AKIRIN2: variants seen among roughly 807,000 people sequenced by gnomAD.
AKIRIN2 encodes akirin-2.
A neutral mutation model predicts 29.3 loss-of-function variants in AKIRIN2; 6 were observed. The ratio of observed to expected loss-of-function variants is 0.20; its 90% confidence interval spans 0.11 to 0.40. The LOEUF (loss-of-function observed/expected upper bound fraction) is 0.40, where lower values mean the gene tolerates loss of function less well. Ranked by LOEUF, AKIRIN2 falls within the 10% of genes least tolerant of loss-of-function variation. The pLI is 1.00. For synonymous variants in AKIRIN2, 128 were observed against 117.5 expected (o/e 1.09, Z -0.58); for missense variants, 210 against 276.1 (o/e 0.76, Z 1.70).
chr6:87,701,481 G>C lies in AKIRIN2; in HGVS notation c.204C>G (p.Pro68=), dbSNP rs762203984. The change falls in exon 1 of 5, where the codon CCC becomes CCG. Residue 68 remains proline, a synonymous_variant. Transcript: ENST00000257787. ...TGAGGCGGGAGGAGACGTCGCCGAA[G>C]GGGGATGGCTCCATTCGGAGATACT... ...PQKYLRMEPS[P]FGDVSSRLTT... is the part of the protein sequence containing the mutation. 2.2e-5 allele frequency: 34 copies of C among 1,514,702 alleles called. No individual in the cohort carries two copies. The African/African-American group carries it at 4.5e-4, about 20-fold the overall frequency. 93.8% of individuals were successfully genotyped at this position (1,514,702 alleles called of 1,614,324 possible).
At chr6:87,696,967 C>G (rs1194856521) in intron 1 of AKIRIN2, among the ~76,000 whole-genome samples, 1 of 151,918 alleles carries the variant, frequency 6.6e-6, no homozygotes, top group Non-Finnish European at 1.5e-5. Context: ...GATTGCGCCA[C>G]TGCACTCTAG....
intron 1 of AKIRIN2, among the ~76,000 whole-genome samples, 188 bp downstream of exon 1, chr6:87,701,262 A>C (rs942566086): frequency 3.9e-5 from 6 of 151,910 alleles, no homozygotes; most frequent in Non-Finnish European, 8.8e-5. Context: ...ACATCAGCCC[A>C]TTTCTATTGT....
Position 87,681,687 on chromosome 6 carries a change from C to G in AKIRIN2, c.312G>C (p.Gln104His). 1 of 1,613,466 alleles carries G rather than the reference C, an allele frequency of 6.2e-7. No individual in the cohort carries two copies. Among genetic ancestry groups the G allele is most frequent in the Non-Finnish European group, 8.5e-7 (1 of 1,179,634 alleles). Residue 104 changes from glutamine to histidine, a missense_variant, in exon 2 of 5, where the codon CAG (glutamine) becomes CAC (histidine). Gln to His is a conservative substitution (Grantham distance 24, BLOSUM62 0). Around this residue, in one of 2 missense-constraint regions of AKIRIN2, gnomAD observed 199 missense variants for 236.5 expected, o/e 0.84. Transcript: ENST00000257787. ...CATCAGAAGTACAACACGGATCTGT[C>G]TGTTGGAAACTCGTTTCTAAATGTC... Reference protein sequence around the residue: ...KRRHLETSFQQTDPCCTSDAQ... With the variant: ...KRRHLETSFQHTDPCCTSDAQ...
At chr6:87,695,899 C>T (rs1319996656) in intron 1 of AKIRIN2, among the ~76,000 whole-genome samples, 3 of 152,270 alleles carry the variant, frequency 2.0e-5, no homozygotes, top group East Asian at 3.9e-4. Context: ...AAAAACCTGC[C>T]GGGCACAGTG....
At chr6:87,680,400 G>A (rs1187275594) in intron 2 of AKIRIN2, among the ~76,000 whole-genome samples, 1 of 146,762 alleles carries the variant, frequency 6.8e-6, no homozygotes, top group Non-Finnish European at 1.5e-5. Context: ...TCCTACCTCA[G>A]TAGCTGAGAC....
chr6:87,676,322 G>T (rs1373520380), intron 3 of AKIRIN2, among the ~76,000 whole-genome samples: 1 of 149,666 alleles, frequency 6.7e-6, no homozygotes, highest in Non-Finnish European at 1.5e-5. Flanking sequence ...AAAATTAGCT[G>T]GGCATGGTGG....
At chr6:87,676,447 CAAAAAAAAAAA>C (rs71021319) in intron 3 of AKIRIN2, among the ~76,000 whole-genome samples, 52 of 41,914 alleles carry the variant, frequency 1.2e-3, no homozygotes, top group East Asian at 5.7e-3. Context: ...GCCTGGGCAA[CAAAAAAAAAAA>C]AAAAAAAAAA....
chr6:87,702,211 C>T lies in AKIRIN2; in HGVS notation c.-527G>A, dbSNP rs1265796529. 2.5e-6 allele frequency: 1 copy of T among 397,544 alleles called. No individual in the cohort carries two copies. Among genetic ancestry groups the T allele is most frequent in the Non-Finnish European group, 4.4e-6 (1 of 225,758 alleles). 24.6% of individuals were successfully genotyped at this position (397,544 alleles called of 1,614,324 possible). ...GAACCCAAGCGAACACGTCCAACCG[C>T]TTCCCCTCCCTCGTAGAACTCTCCC... On this transcript the variant is annotated 5_prime_UTR_variant, in exon 1 of 5. Transcript: ENST00000257787.
At chr6:87,699,313 T>A (rs1173580720) in intron 1 of AKIRIN2, among the ~76,000 whole-genome samples, 1 of 152,194 alleles carries the variant, frequency 6.6e-6, no homozygotes, top group Non-Finnish European at 1.5e-5. Context: ...AAATTGGCCA[T>A]ATAAACACAA....
chr6:87,676,380 G>A (rs1408153905), intron 3 of AKIRIN2, among the ~76,000 whole-genome samples: 2 of 146,756 alleles, frequency 1.4e-5, no homozygotes, highest in African/African-American at 5.1e-5. Context: ...GCAGGAGAAT[G>A]GCGTGAACCC....
intron 3 of AKIRIN2, among the ~76,000 whole-genome samples, chr6:87,676,337 C>G (rs1395372337): frequency 7.4e-5 from 11 of 149,164 alleles, no homozygotes; most frequent in East Asian, 6.0e-4. Context: ...TGGTGGCAGG[C>G]CGCCTGTAGT....
chr6:87,681,628 G>A lies in AKIRIN2; in HGVS notation c.371C>T (p.Ala124Val). ...QPHAFLLSGP[A>V]SPGTSSAASS... ...ACAAGAAATGTTATTACCTGGTGAA[G>A]CTGGTCCACTGAGGAGAAATGCATG... Residue 124 changes from alanine to valine, a missense_variant, in exon 2 of 5, where the codon GCT becomes GTT. Transcript: ENST00000257787. 1 of 1,605,746 alleles carries A rather than the reference G, an allele frequency of 6.2e-7. No individual in the cohort carries two copies.
chr6:87,690,764 G>C (rs1421646136), intron 1 of AKIRIN2, among the ~76,000 whole-genome samples: 1 of 152,120 alleles, frequency 6.6e-6, no homozygotes, highest in Non-Finnish European at 1.5e-5. Context: ...CTTGAGGTCA[G>C]GAGTTCAAGA....
chr6:87,676,596 A>AACACACGCACGCGCGCAC lies in AKIRIN2; in HGVS notation c.530-666_530-665insGTGCGCGCGTGCGTGTGT, dbSNP rs1485678233. Among the ~76,000 whole-genome samples, 351 of 142,140 alleles carry AACACACGCACGCGCGCAC rather than the reference A, an allele frequency of 2.5e-3. 1 individual carries two copies. Among genetic ancestry groups the AACACACGCACGCGCGCAC allele is most frequent in the African/African-American group, 8.9e-3 (331 of 37,048 alleles). 93.2% of individuals were successfully genotyped at this position (142,140 alleles called of 152,430 possible). A position where few individuals can be genotyped will look rare whatever the true frequency, so the allele number is the denominator to read the frequency against. On this transcript the variant is annotated intron_variant, in intron 3 of 4. Coordinates refer to ENST00000257787, the MANE Select transcript of AKIRIN2 (RefSeq NM_018064.4). Reference sequence around the variant, plus strand: ...ATGGTGAAACCCCGTCTCTACTAAAAACACACACACACACACACACACACA... The same window carrying AACACACGCACGCGCGCAC: ...ATGGTGAAACCCCGTCTCTACTAAAAACACACGCACGCGCGCACACACACACACACACACACACACACA...
At chr6:87,678,957 G>T (rs1207446649) in intron 2 of AKIRIN2, among the ~76,000 whole-genome samples, 1 of 152,030 alleles carries the variant, frequency 6.6e-6, no homozygotes, top group African/African-American at 2.4e-5. Flanking sequence ...CCAACATGGA[G>T]AAACTTAGTC....
intron 1 of AKIRIN2, among the ~76,000 whole-genome samples, chr6:87,685,606 T>C (rs1562398407): frequency 6.6e-6 from 1 of 152,248 alleles, no homozygotes; most frequent in Non-Finnish European, 1.5e-5. Flanking sequence ...CCAGTTTTAA[T>C]CATATGCCTT....
At chr6:87,686,635 A>G (rs957118416) in intron 1 of AKIRIN2, among the ~76,000 whole-genome samples, 4 of 152,046 alleles carry the variant, frequency 2.6e-5, no homozygotes, top group Non-Finnish European at 4.4e-5. Flanking sequence ...GTTTAGGTGT[A>G]TGGGGCCCCT....
intron 1 of AKIRIN2, chr6:87,700,968 C>T (rs1184416965): frequency 3.8e-5 from 5 of 130,006 alleles, no homozygotes; most frequent in African/African-American, 1.5e-4. Context: ...TAAAATCAGC[C>T]GTGTCTGAAC....
intron 1 of AKIRIN2, among the ~76,000 whole-genome samples, chr6:87,693,429 G>A (rs950213813): frequency 6.6e-6 from 1 of 151,090 alleles, no homozygotes; most frequent in Non-Finnish European, 1.5e-5. Flanking sequence ...CTTTATTGGT[G>A]TTTTAAAAGT....
Sources: allele counts gnomAD v4.1 joint callset (sites outside exome capture counted in the v4.1 genomes callset), GRCh38; gene constraint gnomAD v4.1.1; regional missense constraint gnomAD v4.1.1; transcripts MANE v1.5; gene names NCBI Gene and HGNC (gene_info 2026-07-23, HGNC 2026-07-21).